The following MCTP1 variants were observed in gnomAD, a reference collection of about 807,000 sequenced individuals.
MCTP1 encodes the protein multiple C2 and transmembrane domain-containing protein 1.
In MCTP1, 69 loss-of-function variants were observed where a neutral mutation model predicts 120.6. That is an observed-to-expected ratio of 0.57 (90% confidence interval 0.47 to 0.70). The LOEUF (loss-of-function observed/expected upper bound fraction) is 0.70. Among genes scored for constraint, MCTP1 ranks in the 30% least tolerant of loss-of-function variants. The probability of loss-of-function intolerance (pLI) is 0.00; values close to 1 mark genes in which losing one functional copy is unlikely to be tolerated. For missense variants in MCTP1, 1,203 were observed against 1,248.8 expected (o/e 0.96, Z 0.55); for synonymous variants, 529 against 493.1 (o/e 1.07, Z -0.96).
intron 19 of MCTP1, among the ~76,000 whole-genome samples, chr5:94,729,350 C>T (rs1392902344): frequency 6.6e-6 from 1 of 152,104 alleles, no homozygotes; most frequent in Admixed American, 6.5e-5. Flanking sequence ...GGAGCGGGTG[C>T]TTGGCAGTAC....
chr5:95,027,920 T>G (rs550141467), intron 1 of MCTP1, among the ~76,000 whole-genome samples: 1 of 152,188 alleles, frequency 6.6e-6, no homozygotes, highest in East Asian at 1.9e-4. Context: ...TACAGTAATA[T>G]AGGGAAAGTG....
chr5:94,880,516 TAA>T (rs1241751981), intron 12 of MCTP1, among the ~76,000 whole-genome samples: 4 of 152,184 alleles, frequency 2.6e-5, no homozygotes, highest in Non-Finnish European at 5.9e-5. Flanking sequence ...TGTCATCTGT[TAA>T]GTCTTTGCCT....
intron 17 of MCTP1, among the ~76,000 whole-genome samples, chr5:94,855,394 T>C (rs1352265173): frequency 2.0e-5 from 3 of 151,808 alleles, no homozygotes; most frequent in Non-Finnish European, 4.4e-5. Context: ...AATGAACCTG[T>C]TCTTAAAATT....
chr5:94,717,016 A>G (rs1759637868), intron 19 of MCTP1, among the ~76,000 whole-genome samples: 1 of 152,182 alleles, frequency 6.6e-6, no homozygotes, highest in Non-Finnish European at 1.5e-5. Context: ...AAGTGTTGTT[A>G]TTGGGTAGTT....
At position 95,017,500 on chromosome 5, in the gene MCTP1, T is replaced by C; in HGVS notation, c.721-16A>G. 5 of 1,506,384 alleles carry C rather than the reference T, an allele frequency of 3.3e-6. No homozygotes were observed. The highest frequency in any genetic ancestry group is 4.6e-6 in the Non-Finnish European group (5 of 1,098,312). The allele number at this position is 1,506,384 out of a possible 1,614,324, so 93.3% of individuals were successfully genotyped here. On this transcript the variant is annotated splice_polypyrimidine_tract_variant and intron_variant, in intron 1 of 22. Transcript: ENST00000515393. ...TTATTATTTTCTGGAAAACACGAAA[T>C]ATAAAAAATATTAAATTTATTATCT...
chr5:95,128,876 G>A lies in MCTP1; in HGVS notation c.721-111392C>T, dbSNP rs141876106. Among the ~76,000 whole-genome samples, 401 of 152,288 alleles carry A rather than the reference G, an allele frequency of 2.6e-3. 2 individuals are homozygous for A. Among genetic ancestry groups the A allele is most frequent in the African/African-American group, 9.3e-3 (385 of 41,564 alleles). On this transcript the variant is annotated intron_variant, in intron 1 of 22. Coordinates refer to ENST00000515393, the MANE Select transcript of MCTP1 (RefSeq NM_024717.7). ...AAGCTGTTTACAAAAAAGTGTGGAC[G>A]AGAGCCCTTTCAACAATAACAATGT...
At chr5:95,067,962 C>G (rs988224716) in intron 1 of MCTP1, among the ~76,000 whole-genome samples, 9 of 152,334 alleles carry the variant, frequency 5.9e-5, no homozygotes, top group African/African-American at 2.2e-4. Flanking sequence ...GCACCCTCCT[C>G]TCAGTCTCTG....
Position 94,861,982 on chromosome 5 carries a change from T to C in MCTP1, c.2436+6351A>G, listed in dbSNP as rs539746492. 9.9e-5 allele frequency among the ~76,000 whole-genome samples: 15 copies of C among 151,876 alleles called. No homozygotes were observed. The East Asian group carries it at 1.9e-3, about 20-fold the overall frequency. On this transcript the variant is annotated intron_variant, in intron 17 of 22. Transcript: ENST00000515393. ...CCTCCACCACGCCAACTTTTATTGA[T>C]AGCACCATTGAGGCACATGAGAAAG...
intron 18 of MCTP1, 137 bp downstream of exon 18, chr5:94,798,876 C>T (rs2153018077): frequency 1.3e-6 from 1 of 785,920 alleles, no homozygotes; most frequent in South Asian, 1.9e-5. Context: ...TTAGTTTTGA[C>T]CTGATAAAAC....
At chr5:95,232,325 C>G (rs1426679963) in intron 1 of MCTP1, among the ~76,000 whole-genome samples, 1 of 151,922 alleles carries the variant, frequency 6.6e-6, no homozygotes, top group Non-Finnish European at 1.5e-5. Flanking sequence ...TGATAATAGA[C>G]TTTAACTGAA....
chr5:94,708,322 T>TTC (rs1755401533), intron 22 of MCTP1, 190 bp downstream of exon 22: 3 of 439,732 alleles, frequency 6.8e-6, no homozygotes, highest in Admixed American at 3.6e-5. Context: ...CTTTCTCCCA[T>TTC]TCTCTGTAAG....
intron 6 of MCTP1, chr5:94,931,202 T>C (rs1814572401): frequency 6.6e-6 from 1 of 152,088 alleles, no homozygotes; most frequent in South Asian, 2.1e-4. Flanking sequence ...AAGACTGTCA[T>C]GTTCCAGGGT....
chr5:94,865,981 A>G (rs1371252906), intron 17 of MCTP1, among the ~76,000 whole-genome samples: 1 of 151,932 alleles, frequency 6.6e-6, no homozygotes, highest in Non-Finnish European at 1.5e-5. Context: ...GGATATTTTT[A>G]TATTAGAACT....
At chr5:94,746,907 T>C (rs528180780) in intron 19 of MCTP1, among the ~76,000 whole-genome samples, 33 of 152,348 alleles carry the variant, frequency 2.2e-4, no homozygotes, top group African/African-American at 7.7e-4. Context: ...TTCTACAAAC[T>C]GCCCTCTCAA....
chr5:95,269,865 C>T (rs1759219856), intron 1 of MCTP1, among the ~76,000 whole-genome samples: 1 of 152,194 alleles, frequency 6.6e-6, no homozygotes, highest in Admixed American at 6.5e-5. Flanking sequence ...TTTGTCAAAA[C>T]TGCTGTGAGG....
intron 1 of MCTP1, among the ~76,000 whole-genome samples, chr5:95,245,200 A>G (rs1756619596): frequency 1.3e-5 from 2 of 152,240 alleles, no homozygotes; most frequent in East Asian, 1.9e-4. Flanking sequence ...AAAGGTAGAT[A>G]AAACCACAAA....
intron 3 of MCTP1, among the ~76,000 whole-genome samples, chr5:94,945,803 C>T (rs927806327): frequency 6.6e-6 from 1 of 152,116 alleles, no homozygotes; most frequent in African/African-American, 2.4e-5. Context: ...AAGTGTGTTT[C>T]ATAATGAGGG....
chr5:94,779,560 T>A (rs1776147736), intron 18 of MCTP1, among the ~76,000 whole-genome samples: 1 of 152,158 alleles, frequency 6.6e-6, no homozygotes, highest in African/African-American at 2.4e-5. Flanking sequence ...TCTAATTTAC[T>A]TTTCACCAAA....
rs375357568 is a variant in MCTP1, at chr5:94,756,885, CTT to C, written c.2610+22223_2610+22224del. 5.3e-5 allele frequency among the ~76,000 whole-genome samples: 8 copies of C among 151,356 alleles called. No individual in the cohort carries two copies. The South Asian group carries it at 6.3e-4, about 12-fold the overall frequency. On this transcript the variant is annotated intron_variant, in intron 19 of 22. Coordinates refer to ENST00000515393, the MANE Select transcript of MCTP1 (RefSeq NM_024717.7). ...CAGTTCTGATTACTAGAATTTATGACTTTTTTTTTGTGGAAATAAGGTATGTG... is the reference window on the plus strand; with the variant it reads ...CAGTTCTGATTACTAGAATTTATGACTTTTTTTGTGGAAATAAGGTATGTG...
Sources: gnomAD v4.1 joint callset for allele counts (sites outside exome capture counted in the v4.1 genomes callset) on GRCh38, gnomAD v4.1.1 for gene constraint, MANE v1.5 for transcripts, NCBI Gene and HGNC (gene_info 2026-07-23, HGNC 2026-07-21) for gene names.